TRAF3IP1: variants seen among roughly 807,000 people sequenced by gnomAD.
TRAF3IP1 encodes the protein TRAF3-interacting protein 1.
TRAF3IP1 carries 53 observed loss-of-function variants against 89.9 expected under a neutral mutation model. The ratio of observed to expected loss-of-function variants is 0.59; its 90% CI spans 0.47 to 0.74. The LOEUF (loss-of-function observed/expected upper bound fraction) is 0.74, where lower values mean the gene tolerates loss of function less well. Among genes scored for constraint, TRAF3IP1 ranks in the 30% least tolerant of loss-of-function variants. The probability of loss-of-function intolerance (pLI) is 0.00; values close to 1 mark genes in which losing one functional copy is unlikely to be tolerated. For missense variants in TRAF3IP1, 806 were observed against 866.1 expected, an observed-to-expected ratio of 0.93 and a Z score of 0.87; for synonymous variants, 311 against 322.1, an observed-to-expected ratio of 0.97 and a Z score of 0.37.
intron 15 of TRAF3IP1, among the ~76,000 whole-genome samples, chr2:238,385,026 T>C (rs1191354961): frequency 6.6e-6 from 1 of 151,812 alleles, no homozygotes; most frequent in Non-Finnish European, 1.5e-5. Flanking sequence ...CTTTCTTTAT[T>C]TTTTTTTGAG....
intron 15 of TRAF3IP1, among the ~76,000 whole-genome samples, chr2:238,389,841 G>C (rs1043776695): frequency 1.3e-5 from 2 of 151,862 alleles, no homozygotes; most frequent in East Asian, 3.9e-4. Flanking sequence ...TCAATAATGT[G>C]TATTTATATG....
In TRAF3IP1 at chr2:238,326,074, G is replaced by C. The variant is rs1697819003; in HGVS notation, c.354+104G>C. 3.5e-6 allele frequency: 4 copies of C among 1,130,488 alleles called. No individual in the cohort carries two copies. The South Asian group carries it at 6.4e-5, about 18-fold the overall frequency. 70.0% of individuals were successfully genotyped at this position (1,130,488 alleles called of 1,614,324 possible). A position where few individuals can be genotyped will look rare whatever the true frequency, so the allele number is the denominator to read the frequency against. The stretch of plus-strand genomic sequence containing the variant: ...CGGGCGGTTTAGGGAAGGAGTTTCA[G>C]TGGTGTCTGTCAAACACTGTGCTTT... On this transcript the variant is annotated intron_variant, in intron 3 of 16. Transcript: ENST00000373327.
At chr2:238,358,074 A>G (rs1292721858) in intron 15 of TRAF3IP1, among the ~76,000 whole-genome samples, 2 of 151,964 alleles carry the variant, frequency 1.3e-5, no homozygotes, top group Admixed American at 1.3e-4. Flanking sequence ...CATCAGACTT[A>G]AATTTAACTT....
intron 8 of TRAF3IP1, 28 bp from the exon 9 acceptor site, chr2:238,344,469 T>C (rs554592268): frequency 6.3e-7 from 1 of 1,580,864 alleles, no homozygotes; most frequent in African/African-American, 1.3e-5. Flanking sequence ...ACAGTCTTAA[T>C]GACTAATTTT....
Position 238,329,003 on chromosome 2 carries a change from C to T in TRAF3IP1, c.576C>T (p.Arg192=). The T allele has an allele frequency of 6.4e-7, 1 of 1,551,320 alleles. No individual in the cohort carries two copies. The highest frequency in any genetic ancestry group is 8.7e-7 in the Non-Finnish European group (1 of 1,147,088). Residue 192 remains arginine, a synonymous_variant, in exon 5 of 17, where the codon CGC becomes CGT. Coordinates refer to ENST00000373327, the MANE Select transcript of TRAF3IP1 (RefSeq NM_015650.4). The part of the protein sequence containing the change: ...RKQKEELKED[R]KPREKDKDKE... ...AGAAGGAAGAATTGAAAGAAGACCGCAAGCCAAGAGAAAAGGACAAGGACA... is the reference window on the plus strand; with the variant it reads ...AGAAGGAAGAATTGAAAGAAGACCGTAAGCCAAGAGAAAAGGACAAGGACA...
chr2:238,347,423 A>G (rs1289248819), intron 9 of TRAF3IP1, 32 bp from the exon 10 acceptor site: 1 of 1,613,878 alleles, frequency 6.2e-7, no homozygotes, highest in Admixed American at 1.7e-5. Context: ...TGACTACACG[A>G]AAGCTAATTT....
At chr2:238,375,549 A>G (rs1700280900) in intron 15 of TRAF3IP1, among the ~76,000 whole-genome samples, 2 of 152,302 alleles carry the variant, frequency 1.3e-5, no homozygotes, top group South Asian at 2.1e-4. Flanking sequence ...TTTACTACCA[A>G]TTATGTGGTC....
intron 9 of TRAF3IP1, among the ~76,000 whole-genome samples, chr2:238,346,660 G>A (rs2106389436): frequency 6.6e-6 from 1 of 152,356 alleles, no homozygotes; most frequent in South Asian, 2.1e-4. Flanking sequence ...TCTCGAGGCT[G>A]CATGAACTGT....
rs1294248284 is a variant in TRAF3IP1, at chr2:238,320,600, C to G, written c.-63C>G. The G allele has an allele frequency of 5.3e-6, 6 of 1,132,542 alleles. No individual in the cohort carries two copies. The highest frequency in any genetic ancestry group is 5.1e-5 in the East Asian group (1 of 19,504). The allele number at this position is 1,132,542 out of a possible 1,614,324, so 70.2% of individuals were successfully genotyped here. ...GCGGGGCCGGCGGCGGCCAGGGACCCGGGCTTAGGCTCGGCCAGGCCGGCT... is the reference window on the plus strand; with the variant it reads ...GCGGGGCCGGCGGCGGCCAGGGACCGGGGCTTAGGCTCGGCCAGGCCGGCT... On this transcript the variant is annotated 5_prime_UTR_variant, in exon 1 of 17. Coordinates refer to ENST00000373327, the MANE Select transcript of TRAF3IP1 (RefSeq NM_015650.4).
In TRAF3IP1 at chr2:238,351,871, G is replaced by A. The variant is rs568260281; in HGVS notation, c.1452-956G>A. Among the ~76,000 whole-genome samples, 5 of 150,604 alleles carry A rather than the reference G, an allele frequency of 3.3e-5. No individual in the cohort carries two copies. Among genetic ancestry groups the A allele is most frequent in the Admixed American group, 2.6e-4 (4 of 15,192 alleles). ...TGTGTGTGTGTGTGTGTGTGTGCGC[G>A]CGCGCGCGTGTGCGTGCATGTGCTT... is the stretch of plus-strand genomic sequence containing the variant. On this transcript the variant is annotated intron_variant, in intron 12 of 16. Coordinates refer to ENST00000373327, the MANE Select transcript of TRAF3IP1 (RefSeq NM_015650.4). This position sits in a 1 kb window ranked among gnomAD's most constrained non-coding sequence, Gnocchi z 5.2.
chr2:238,381,137 A>AT lies in TRAF3IP1; in HGVS notation c.1690-16319dup, dbSNP rs1332637276. Among the ~76,000 whole-genome samples the AT allele has an allele frequency of 9.8e-4, 119 of 121,868 alleles. 2 individuals carry two copies. The highest frequency in any genetic ancestry group is 2.6e-3 in the South Asian group (10 of 3,888). The allele number at this position is 121,868 out of a possible 152,430, so 80.0% of individuals were successfully genotyped here. A position where few individuals can be genotyped will look rare whatever the true frequency, so the allele number is the denominator to read the frequency against. ...TTTTTTTTTTTTTAATTATTTATTT[A>AT]TTTATTTTTTTTTTTTTCAGAATTC... On this transcript the variant is annotated intron_variant, in intron 15 of 16. Transcript: ENST00000373327.
chr2:238,335,235 A>G (rs1698327188), intron 7 of TRAF3IP1, among the ~76,000 whole-genome samples: 1 of 152,120 alleles, frequency 6.6e-6, no homozygotes, highest in African/African-American at 2.4e-5. Flanking sequence ...GAGATTTGAG[A>G]GGTGAAGATT....
chr2:238,330,127 AT>A (rs749489659), intron 5 of TRAF3IP1, among the ~76,000 whole-genome samples: 3 of 152,172 alleles, frequency 2.0e-5, no homozygotes, highest in Non-Finnish European at 4.4e-5. Flanking sequence ...CCACCTTAGC[AT>A]TGCAAGCGGT....
chr2:238,373,600 C>T (rs1386799440), intron 15 of TRAF3IP1, among the ~76,000 whole-genome samples: 3 of 152,110 alleles, frequency 2.0e-5, no homozygotes, highest in Admixed American at 6.6e-5. Flanking sequence ...TGCTTAGGAT[C>T]GTCTTGGCAA....
intron 5 of TRAF3IP1, among the ~76,000 whole-genome samples, chr2:238,331,385 G>A (rs1046104039): frequency 6.6e-5 from 10 of 152,098 alleles, no homozygotes; most frequent in Admixed American, 6.5e-5. Context: ...GCTGAGGCAG[G>A]AGAATCGTTT....
rs1420892337 is a variant in TRAF3IP1, at chr2:238,367,186, A to AAAG, written c.1689+11108_1689+11109insGAA. On this transcript the variant is annotated intron_variant, in intron 15 of 16. Coordinates refer to ENST00000373327, the MANE Select transcript of TRAF3IP1 (RefSeq NM_015650.4). Reference sequence around the variant, plus strand: ...CTCAAAAAAAAAAAAAAAAAAAAAAAAAAGAAAATTAGTGGATAAGGATTA... The same window carrying AAAG: ...CTCAAAAAAAAAAAAAAAAAAAAAAAAAGAAAGAAAATTAGTGGATAAGGATTA... Among the ~76,000 whole-genome samples the AAAG allele has an allele frequency of 2.3e-3, 351 of 150,226 alleles. 6 individuals carry two copies. The East Asian group carries it at 0.024, about 10-fold the overall frequency.
chr2:238,352,852 A>G lies in TRAF3IP1; in HGVS notation c.1477A>G (p.Asn493Asp), dbSNP rs368040034. ...GTCAGGGAGTGGTAAAACCGTTTCA[A>G]ATGTGATTACAGAGTCACACAATTC... ...DRSGSGKTVS[N>D]VITESHNSDN... Residue 493 changes from asparagine (N) to aspartate (D), a missense_variant, in exon 13 of 17, where the codon AAT becomes GAT. Asn to Asp is a conservative substitution (Grantham distance 23). This residue lies in a region of TRAF3IP1 where 732 missense variants were observed against 780.5 expected (regional missense o/e 0.94). Coordinates refer to ENST00000373327, the MANE Select transcript of TRAF3IP1 (RefSeq NM_015650.4). 3 of 1,612,858 alleles carry G rather than the reference A, an allele frequency of 1.9e-6. No individual in the cohort carries two copies. In the African/African-American group the frequency reaches 4.0e-5, roughly 22 times the overall value.
intron 9 of TRAF3IP1, among the ~76,000 whole-genome samples, chr2:238,346,521 A>G (rs67696004): frequency 0.12 from 18,506 of 152,114 alleles, 1,974 homozygotes; most frequent in African/African-American, 0.29. Context: ...CACCCTCTTA[A>G]GGCAGCATTT....
chr2:238,388,434 C>A lies in TRAF3IP1; in HGVS notation c.1690-9025C>A, dbSNP rs1037746435. Among the ~76,000 whole-genome samples the A allele has an allele frequency of 4.0e-5, 6 of 150,258 alleles. No homozygotes were observed. The South Asian group carries it at 6.4e-4, about 16-fold the overall frequency. Reference sequence around the variant, plus strand: ...TGTTTTGCTTGTGTGTTCAAGGGATCCAACTTGACCTACATTCGAGATGAA... The same window carrying A: ...TGTTTTGCTTGTGTGTTCAAGGGATACAACTTGACCTACATTCGAGATGAA... On this transcript the variant is annotated intron_variant, in intron 15 of 16. Transcript: ENST00000373327.
Sources: gnomAD v4.1 joint callset for allele counts (sites outside exome capture counted in the v4.1 genomes callset) on GRCh38, gnomAD v4.1.1 for gene constraint, gnomAD v4.1.1 regional missense constraint, Gnocchi (gnomAD v3.1) non-coding constraint, MANE v1.5 for transcripts, NCBI Gene and HGNC (gene_info 2026-07-23, HGNC 2026-07-21) for gene names.